DCDC1: variants seen among roughly 807,000 people sequenced by gnomAD.
DCDC1 encodes doublecortin domain-containing protein 1.
DCDC1 carries 200 observed loss-of-function variants against 178.3 expected under a neutral mutation model. The observed-to-expected ratio is 1.12, with a 90% CI of 1.00 to 1.26. DCDC1 has a LOEUF of 1.26. DCDC1 is among the 50% of genes most tolerant of loss of function. The probability of loss-of-function intolerance (pLI) is 0.00; values close to 1 mark genes in which losing one functional copy is unlikely to be tolerated. For missense variants in DCDC1, 1,983 were observed against 1,749.2 expected, an observed-to-expected ratio of 1.13 and a Z score of -2.38; for synonymous variants, 690 against 604.8, an observed-to-expected ratio of 1.14 and a Z score of -2.07.
intron 21 of DCDC1, among the ~76,000 whole-genome samples, chr11:30,939,179 G>T (rs1467222489): frequency 1.3e-5 from 2 of 152,122 alleles, no homozygotes; most frequent in African/African-American, 4.8e-5. Flanking sequence ...TTGCCGCAGG[G>T]CTTGCTTTTC....
At chr11:31,187,013 G>C (rs76767876) in intron 9 of DCDC1, among the ~76,000 whole-genome samples, 187 of 152,196 alleles carry the variant, frequency 1.2e-3, no homozygotes, top group Middle Eastern at 3.4e-3. Context: ...GTTTTCTAGA[G>C]AGCCCAGCGT....
Position 31,348,491 on chromosome 11 carries a change from C to T in DCDC1, c.-124-12927G>A, listed in dbSNP as rs374548075. Among the ~76,000 whole-genome samples, 14 of 152,274 alleles carry T rather than the reference C, an allele frequency of 9.2e-5. No homozygotes were observed. In the East Asian group the frequency reaches 1.3e-3, roughly 15 times the overall value. ...TATTCCACTAAACAAGAGGTTGTAT[C>T]TGTCCCTTGAAAACTGCTGCAGCAT... On this transcript the variant is annotated intron_variant, in intron 1 of 38. Transcript: ENST00000684477.
chr11:31,220,040 G>T (rs1974065278), intron 9 of DCDC1, among the ~76,000 whole-genome samples: 1 of 152,258 alleles, frequency 6.6e-6, no homozygotes, highest in South Asian at 2.1e-4. Context: ...TTACTCTGAA[G>T]ATACGCCATG....
intron 9 of DCDC1, among the ~76,000 whole-genome samples, chr11:31,194,596 A>G (rs1970470963): frequency 6.6e-6 from 1 of 152,058 alleles, no homozygotes; most frequent in Non-Finnish European, 1.5e-5. Context: ...TTCTTTGTAT[A>G]ATTAAAATAG....
At chr11:31,272,475 A>G (rs1208143077) in intron 7 of DCDC1, among the ~76,000 whole-genome samples, 5 of 152,330 alleles carry the variant, frequency 3.3e-5, no homozygotes, top group African/African-American at 2.4e-5. Flanking sequence ...TGAGACAAAG[A>G]AAGTCCCTTC....
intron 9 of DCDC1, among the ~76,000 whole-genome samples, chr11:31,185,649 T>C (rs891121556): frequency 6.6e-6 from 1 of 152,248 alleles, no homozygotes; most frequent in South Asian, 2.1e-4. Flanking sequence ...CAAAACCTGG[T>C]TTTCTGCCTT....
intron 1 of DCDC1, among the ~76,000 whole-genome samples, chr11:31,348,882 C>A (rs1472562582): frequency 6.6e-6 from 1 of 152,116 alleles, no homozygotes; most frequent in Non-Finnish European, 1.5e-5. Flanking sequence ...TATACACCTG[C>A]ATTGCCAAAT....
At chr11:31,270,633 G>T (rs536238397) in intron 7 of DCDC1, among the ~76,000 whole-genome samples, 1 of 152,058 alleles carries the variant, frequency 6.6e-6, no homozygotes, top group Admixed American at 6.6e-5. Context: ...TCTTCAAAGC[G>T]CTCTCAAGTG....
chr11:31,048,370 C>T (rs1281058751), intron 20 of DCDC1, among the ~76,000 whole-genome samples: 1 of 152,148 alleles, frequency 6.6e-6, no homozygotes, highest in Non-Finnish European at 1.5e-5. Context: ...AGATTTAAAT[C>T]CTGATACGAA....
intron 18 of DCDC1, among the ~76,000 whole-genome samples, chr11:31,069,881 G>A (rs144016749): frequency 2.0e-5 from 3 of 152,130 alleles, no homozygotes; most frequent in Admixed American, 2.0e-4. Context: ...AAAAGGTAGG[G>A]CCATGATGTG....
intron 8 of DCDC1, among the ~76,000 whole-genome samples, chr11:31,241,977 G>T (rs1228063556): frequency 6.6e-6 from 1 of 151,954 alleles, no homozygotes; most frequent in Non-Finnish European, 1.5e-5. Context: ...TGATAAAACT[G>T]TAAGATCCAT....
At chr11:31,101,100 G>T (rs1958474644) in intron 15 of DCDC1, among the ~76,000 whole-genome samples, 1 of 152,104 alleles carries the variant, frequency 6.6e-6, no homozygotes, top group Non-Finnish European at 1.5e-5. Flanking sequence ...GGAGCATAAA[G>T]AAATTTAAAA....
At chr11:31,169,360 T>C (rs1966925757) in intron 9 of DCDC1, among the ~76,000 whole-genome samples, 1 of 152,090 alleles carries the variant, frequency 6.6e-6, no homozygotes, top group Non-Finnish European at 1.5e-5. Context: ...TAAAGTAAAA[T>C]TTAAAAAGTA....
Position 31,127,595 on chromosome 11 carries a change from G to A in DCDC1, c.1359C>T (p.Asn453=). ...IDELQTAIKS[N]IGHLCKLGPQ... ...GGCCAAGTTTACAGAGATGACCTAT[G>A]TTACTTTTGATAGCTGTCTGCAATT... The change falls in exon 11 of 39, where the codon AAC becomes AAT. Residue 453 remains asparagine, a synonymous_variant. Transcript: ENST00000684477. 2 of 702,572 alleles carry A rather than the reference G, an allele frequency of 2.8e-6. No homozygotes were observed. Among genetic ancestry groups the A allele is most frequent in the Non-Finnish European group, 5.2e-6 (2 of 384,736 alleles). 43.5% of individuals were successfully genotyped at this position (702,572 alleles called of 1,614,324 possible). A position where few individuals can be genotyped will look rare whatever the true frequency, so the allele number is the denominator to read the frequency against.
chr11:31,177,613 AT>A (rs1192070857), intron 9 of DCDC1, among the ~76,000 whole-genome samples: 1 of 152,188 alleles, frequency 6.6e-6, no homozygotes, highest in Non-Finnish European at 1.5e-5. Context: ...ATTCAACTCT[AT>A]GCTGCCTACA....
At chr11:31,302,739 G>A (rs1948196879) in intron 6 of DCDC1, among the ~76,000 whole-genome samples, 1 of 152,104 alleles carries the variant, frequency 6.6e-6, no homozygotes, top group South Asian at 2.1e-4. Context: ...AATGCCACTG[G>A]TTGTCAACAG....
intron 3 of DCDC1, among the ~76,000 whole-genome samples, chr11:31,317,790 G>T (rs1591746471): frequency 2.1e-5 from 1 of 48,300 alleles, no homozygotes; most frequent in East Asian, 3.3e-4. Context: ...ATTGGCTGTG[G>T]GTTTGTCATA....
At chr11:31,368,846 G>A (rs570542475) in intron 1 of DCDC1, among the ~76,000 whole-genome samples, 2 of 152,214 alleles carry the variant, frequency 1.3e-5, no homozygotes, top group East Asian at 1.9e-4. Context: ...CAGGTACAAT[G>A]CTAGGAAGAG....
At chr11:31,270,201 G>C (rs894623204) in intron 7 of DCDC1, among the ~76,000 whole-genome samples, 1 of 152,104 alleles carries the variant, frequency 6.6e-6, no homozygotes, top group Non-Finnish European at 1.5e-5. Flanking sequence ...AGAATGGCTT[G>C]TACATTTTGA....
Sources: gnomAD v4.1 joint callset for allele counts (sites outside exome capture counted in the v4.1 genomes callset) on GRCh38, gnomAD v4.1.1 for gene constraint, MANE v1.5 for transcripts, NCBI Gene and HGNC (gene_info 2026-07-23, HGNC 2026-07-21) for gene names.